Variants in HSPA4L observed in about 807,000 individuals in gnomAD.
HSPA4L encodes heat shock 70 kDa protein 4L.
HSPA4L carries 48 observed loss-of-function variants against 100.3 expected under a neutral mutation model. The observed-to-expected ratio is 0.48, with a 90% CI of 0.38 to 0.61. HSPA4L has a LOEUF of 0.61. Among genes scored for constraint, HSPA4L ranks in the 20% least tolerant of loss-of-function variants. The pLI is 0.00. For synonymous variants in HSPA4L, 319 were observed against 328.2 expected (o/e 0.97, Z 0.30); for missense variants, 886 against 988.6 (o/e 0.90, Z 1.39).
chr4:127,827,372 T>TG lies in HSPA4L; in HGVS notation c.2117dup (p.Ile709AspfsTer12). ...GAGAGACCAAAAGCCTTAAATGACTTGGGAAAAAAGATCCAACTTGTCATG... is the reference window on the plus strand; with the variant it reads ...GAGAGACCAAAAGCCTTAAATGACTTGGGGAAAAAAGATCCAACTTGTCATG... On this transcript the variant is annotated frameshift_variant, in exon 17 of 19. Transcript: ENST00000296464. LOFTEE classifies it high-confidence loss of function. The TG allele has an allele frequency of 1.2e-6, 2 of 1,613,614 alleles. No homozygotes were observed. The highest frequency in any genetic ancestry group is 1.7e-6 in the Non-Finnish European group (2 of 1,179,678).
At chr4:127,823,955 C>A (rs962443182) in intron 16 of HSPA4L, among the ~76,000 whole-genome samples, 2 of 152,268 alleles carry the variant, frequency 1.3e-5, no homozygotes, top group Admixed American at 6.5e-5. Flanking sequence ...ATCTCTTGGA[C>A]TTACTCCTCT....
intron 1 of HSPA4L, among the ~76,000 whole-genome samples, chr4:127,785,469 C>T (rs1167747711): frequency 1.3e-5 from 2 of 151,432 alleles, no homozygotes; most frequent in Non-Finnish European, 2.9e-5. Flanking sequence ...CGTAGTCTTG[C>T]TCTTGTTGCC....
chr4:127,783,778 T>C (rs1440909226), intron 1 of HSPA4L: 7 of 1,037,892 alleles, frequency 6.7e-6, no homozygotes, highest in Non-Finnish European at 9.9e-6. Flanking sequence ...TTTAAATGCC[T>C]CATTTACTAT....
At chr4:127,827,221 AT>A in intron 16 of HSPA4L, 83 bp from the exon 17 acceptor site, 2 of 1,108,358 alleles carry the variant, frequency 1.8e-6, no homozygotes, top group Middle Eastern at 2.9e-4. Context: ...TTTTCTTCCT[AT>A]TTATCATCCT....
chr4:127,787,736 CAT>C (rs986980955), intron 1 of HSPA4L, among the ~76,000 whole-genome samples: 1 of 151,762 alleles, frequency 6.6e-6, no homozygotes, highest in Non-Finnish European at 1.5e-5. Flanking sequence ...TTGCTAGCGA[CAT>C]ATAAAAATTC....
At chr4:127,820,799 A>G (rs1412844907) in intron 14 of HSPA4L, among the ~76,000 whole-genome samples, 2 of 152,062 alleles carry the variant, frequency 1.3e-5, no homozygotes, top group African/African-American at 4.8e-5. Flanking sequence ...ATAGAGAAAG[A>G]CTTTTCTGAA....
chr4:127,783,519 C>T lies in HSPA4L; in HGVS notation c.107+862C>T, dbSNP rs560113748. On this transcript the variant is annotated intron_variant, in intron 1 of 18. Transcript: ENST00000296464. ...GGCGTTATGTCATGGAAACATGTTT[C>T]CACATGTTCCGTTGTTTCTCTGGCC... The T allele has an allele frequency of 4.7e-3, 6,970 of 1,487,074 alleles. 17 individuals are homozygous for T. The highest frequency in any genetic ancestry group is 5.7e-3 in the Non-Finnish European group (6,382 of 1,125,942). The allele number at this position is 1,487,074 out of a possible 1,614,324, so 92.1% of individuals were successfully genotyped here.
intron 8 of HSPA4L, 148 bp downstream of exon 8, chr4:127,804,235 T>G: frequency 1.6e-6 from 1 of 634,724 alleles, no homozygotes; most frequent in South Asian, 2.1e-5. Context: ...AACTCATTAT[T>G]CATAAGAGTA....
intron 16 of HSPA4L, among the ~76,000 whole-genome samples, chr4:127,825,938 AAAAAAAG>A (rs1452049293): frequency 2.1e-5 from 3 of 143,866 alleles, no homozygotes; most frequent in African/African-American, 7.4e-5. Flanking sequence ...AAAAAAAAAA[AAAAAAAG>A]AAAAAAGAAA....
At chr4:127,820,332 CA>C in intron 13 of HSPA4L, 95 bp from the exon 14 acceptor site, 1 of 1,002,312 alleles carries the variant, frequency 1.0e-6, no homozygotes, top group Non-Finnish European at 1.4e-6. Context: ...ATAAATATAA[CA>C]GATCATAATC....
rs1022453897 is a variant in HSPA4L, at chr4:127,835,190, G to A, written c.*2316G>A. 6.6e-6 allele frequency: 1 copy of A among 151,366 alleles called. No individual in the cohort carries two copies. The highest frequency in any genetic ancestry group is 1.5e-5 in the Non-Finnish European group (1 of 67,986). 9.4% of individuals were successfully genotyped at this position (151,366 alleles called of 1,614,324 possible). A position where few individuals can be genotyped will look rare whatever the true frequency, so the allele number is the denominator to read the frequency against. On this transcript the variant is annotated 3_prime_UTR_variant, in exon 19 of 19. Transcript: ENST00000296464. ...TATTTCAGAAATTATTTTAAAAGATGCATAGTAAAACAGTGTTTTCCTATG... is the reference window on the plus strand; with the variant it reads ...TATTTCAGAAATTATTTTAAAAGATACATAGTAAAACAGTGTTTTCCTATG...
At chr4:127,791,009 G>C (rs1732859494) in intron 1 of HSPA4L, among the ~76,000 whole-genome samples, 2 of 151,974 alleles carry the variant, frequency 1.3e-5, no homozygotes, top group African/African-American at 4.8e-5. Flanking sequence ...GCTGAGATAG[G>C]AGGATCGCTT....
intron 4 of HSPA4L, 84 bp from the exon 5 acceptor site, chr4:127,801,054 C>A: frequency 1.0e-6 from 1 of 952,516 alleles, no homozygotes; most frequent in Non-Finnish European, 1.6e-6. Context: ...TTAAACTGTA[C>A]ATAAGTTTTA....
At chr4:127,830,040 T>A (rs1252140403) in intron 17 of HSPA4L, among the ~76,000 whole-genome samples, 1 of 152,110 alleles carries the variant, frequency 6.6e-6, no homozygotes, top group Non-Finnish European at 1.5e-5. Context: ...ATCACCATCC[T>A]CCCACTTCTT....
At chr4:127,827,553 C>T (rs1733978527) in intron 17 of HSPA4L, 129 bp downstream of exon 17, 1 of 1,064,486 alleles carries the variant, frequency 9.4e-7, no homozygotes, top group Non-Finnish European at 1.3e-6. Flanking sequence ...CTTTGTGTAC[C>T]AAACTTAAAA....
chr4:127,831,707 C>T (rs1483883050), intron 18 of HSPA4L, among the ~76,000 whole-genome samples: 1 of 151,816 alleles, frequency 6.6e-6, no homozygotes, highest in Non-Finnish European at 1.5e-5. Context: ...TACGTGTGCT[C>T]ATAGATTTGT....
In HSPA4L at chr4:127,836,749, A is replaced by G. The variant is rs779542086; in HGVS notation, c.*3875A>G. On this transcript the variant is annotated 3_prime_UTR_variant, in exon 19 of 19. Transcript: ENST00000296464. ...TTTGTTTTCACCCTAAATACATACAACCATTCCTCCACTTTCATAAATTTG... is the reference window on the plus strand; with the variant it reads ...TTTGTTTTCACCCTAAATACATACAGCCATTCCTCCACTTTCATAAATTTG... The G allele has an allele frequency of 7.9e-5, 12 of 152,116 alleles. No individual in the cohort carries two copies. Among genetic ancestry groups the G allele is most frequent in the Non-Finnish European group, 1.6e-4 (11 of 68,020 alleles). The allele number at this position is 152,116 out of a possible 1,614,324, so 9.4% of individuals were successfully genotyped here. A position where few individuals can be genotyped will look rare whatever the true frequency, so the allele number is the denominator to read the frequency against.
chr4:127,811,724 C>T, intron 12 of HSPA4L, 88 bp downstream of exon 12: 2 of 936,742 alleles, frequency 2.1e-6, no homozygotes, highest in Non-Finnish European at 3.2e-6. Flanking sequence ...TAGTTGAATA[C>T]ATTACTCTCT....
intron 4 of HSPA4L, among the ~76,000 whole-genome samples, chr4:127,800,371 A>C (rs1052145873): frequency 1.3e-5 from 2 of 152,068 alleles, no homozygotes; most frequent in Non-Finnish European, 2.9e-5. Context: ...AGGGGGCTGA[A>C]GCAAAAGGAT....
Sources: gnomAD v4.1 joint callset for allele counts (sites outside exome capture counted in the v4.1 genomes callset) on GRCh38, gnomAD v4.1.1 for gene constraint, MANE v1.5 for transcripts, NCBI Gene and HGNC (gene_info 2026-07-23, HGNC 2026-07-21) for gene names.